ZNF385D: variants seen among roughly 807,000 people sequenced by gnomAD.
ZNF385D encodes the protein zinc finger protein 659.
ZNF385D carries 15 observed loss-of-function variants against 35.8 expected under a neutral mutation model. The ratio of observed to expected loss-of-function variants is 0.42; its 90% CI spans 0.28 to 0.64. ZNF385D has a LOEUF of 0.64. Among genes scored for constraint, ZNF385D ranks in the 30% least tolerant of loss-of-function variants. The pLI is 0.23. For missense variants in ZNF385D, 474 were observed against 494.6 expected, an observed-to-expected ratio of 0.96 and a Z score of 0.39; for synonymous variants, 212 against 186.8, an observed-to-expected ratio of 1.13 and a Z score of -1.10.
At chr3:21,756,299 A>AT (rs911136532) in intron 3 of ZNF385D, among the ~76,000 whole-genome samples, 10 of 152,156 alleles carry the variant, frequency 6.6e-5, no homozygotes, top group South Asian at 6.2e-4. Context: ...GCAATTTAAG[A>AT]TTTTTTTTAA....
At chr3:21,580,089 C>A (rs959889178) in intron 2 of ZNF385D, 1 of 152,086 alleles carries the variant, frequency 6.6e-6, no homozygotes, top group Non-Finnish European at 1.5e-5. Flanking sequence ...TTTACTCAGG[C>A]ATAAGTGCTA....
intron 2 of ZNF385D, among the ~76,000 whole-genome samples, chr3:22,234,405 T>C (rs998077472): frequency 2.6e-5 from 4 of 152,098 alleles, no homozygotes; most frequent in African/African-American, 9.7e-5. Context: ...CTCTGTTGTT[T>C]TATTAAATTT....
intron 3 of ZNF385D, among the ~76,000 whole-genome samples, chr3:21,554,772 G>A (rs371245847): frequency 1.3e-5 from 2 of 152,134 alleles, no homozygotes; most frequent in Non-Finnish European, 2.9e-5. Flanking sequence ...CACCGTGCAC[G>A]TTTATGTTAT....
chr3:21,474,360 T>C (rs1270445884), intron 4 of ZNF385D, among the ~76,000 whole-genome samples: 1 of 152,124 alleles, frequency 6.6e-6, no homozygotes, highest in Non-Finnish European at 1.5e-5. Flanking sequence ...TACTGTTGCA[T>C]TTCTCTAGCA....
intron 3 of ZNF385D, among the ~76,000 whole-genome samples, chr3:22,098,570 A>G (rs1701758637): frequency 1.3e-5 from 2 of 152,030 alleles, no homozygotes; most frequent in Non-Finnish European, 2.9e-5. Flanking sequence ...CAAGTAGAGG[A>G]TTTTAAAGTT....
intron 3 of ZNF385D, among the ~76,000 whole-genome samples, chr3:22,112,492 T>G (rs1702586208): frequency 6.6e-6 from 1 of 152,144 alleles, no homozygotes; most frequent in Non-Finnish European, 1.5e-5. Flanking sequence ...AATTTCTTGT[T>G]GATAAGCAAA....
chr3:21,971,528 CACCTTCACTAAAAGGAAG>C (rs1435385883), intron 3 of ZNF385D, among the ~76,000 whole-genome samples: 1 of 151,502 alleles, frequency 6.6e-6, no homozygotes, highest in African/African-American at 2.4e-5. Flanking sequence ...TAGTGAAAAT[CACCTTCACTAAAAGGAAG>C]ACAAGAAGGA....
chr3:22,015,009 G>C (rs918610635), intron 3 of ZNF385D, among the ~76,000 whole-genome samples: 4 of 151,992 alleles, frequency 2.6e-5, no homozygotes, highest in Non-Finnish European at 5.9e-5. Context: ...TTTGTTGTTT[G>C]AATGTTCACA....
chr3:21,530,088 ACCT>A (rs1363527637), intron 3 of ZNF385D, among the ~76,000 whole-genome samples: 4 of 151,220 alleles, frequency 2.6e-5, no homozygotes, highest in African/African-American at 9.7e-5. Flanking sequence ...GGAGGCTGGC[ACCT>A]CCTCCTCTCT....
chr3:21,976,595 G>A (rs902982157), intron 3 of ZNF385D, among the ~76,000 whole-genome samples: 2 of 152,176 alleles, frequency 1.3e-5, no homozygotes, highest in Non-Finnish European at 2.9e-5. Context: ...GTACTACATT[G>A]CCTATGGTTG....
chr3:22,167,701 G>A (rs1377939700), intron 3 of ZNF385D, among the ~76,000 whole-genome samples: 2 of 152,188 alleles, frequency 1.3e-5, no homozygotes, highest in African/African-American at 4.8e-5. Context: ...TTTCTGGCTG[G>A]CAAAAGTGAT....
intron 2 of ZNF385D, among the ~76,000 whole-genome samples, chr3:22,324,873 G>T (rs1344779928): frequency 2.0e-5 from 3 of 152,136 alleles, no homozygotes; most frequent in Non-Finnish European, 4.4e-5. Context: ...GTGATTAAAA[G>T]AGAGATCCTA....
At chr3:21,817,542 G>C (rs984692191) in intron 3 of ZNF385D, among the ~76,000 whole-genome samples, 3 of 152,130 alleles carry the variant, frequency 2.0e-5, no homozygotes, top group African/African-American at 7.2e-5. Flanking sequence ...CTCAAAATAA[G>C]ACATTTATGC....
At chr3:21,511,094 A>G (rs1252837969) in intron 3 of ZNF385D, 71 bp from the exon 4 acceptor site, 1 of 1,573,790 alleles carries the variant, frequency 6.4e-7, no homozygotes, top group Non-Finnish European at 8.7e-7. Flanking sequence ...TATTACTGCA[A>G]ATACAGACTC....
intron 5 of ZNF385D, 67 bp from the exon 6 acceptor site, chr3:21,425,737 G>A (rs1700990412): frequency 4.2e-6 from 6 of 1,421,212 alleles, no homozygotes; most frequent in Admixed American, 2.6e-5. Context: ...GAAGGAGGTG[G>A]GATGGGAGGA....
chr3:21,600,000 G>A (rs1156971886), intron 2 of ZNF385D, among the ~76,000 whole-genome samples: 1 of 152,160 alleles, frequency 6.6e-6, no homozygotes. Flanking sequence ...AAAGAAGCCG[G>A]CTAAAACGAA....
At chr3:22,329,701 A>T (rs1694846563) in intron 2 of ZNF385D, among the ~76,000 whole-genome samples, 1 of 152,198 alleles carries the variant, frequency 6.6e-6, no homozygotes, top group South Asian at 2.1e-4. Flanking sequence ...GTCCACTAGA[A>T]ATGTAATGCA....
At chr3:21,729,725 G>C (rs1318865473) in intron 1 of ZNF385D, among the ~76,000 whole-genome samples, 4 of 152,184 alleles carry the variant, frequency 2.6e-5, no homozygotes, top group Admixed American at 6.5e-5. Context: ...GCAAAAAAGA[G>C]AGAATACCTT....
At chr3:22,226,126 C>CAA (rs796451510) in intron 2 of ZNF385D, among the ~76,000 whole-genome samples, 2 of 141,824 alleles carry the variant, frequency 1.4e-5, no homozygotes, top group African/African-American at 5.2e-5. Context: ...TGGAACTAAA[C>CAA]AAAAAAAAAA....
Sources: gnomAD v4.1 joint callset for allele counts (sites outside exome capture counted in the v4.1 genomes callset) on GRCh38, gnomAD v4.1.1 for gene constraint, MANE v1.5 for transcripts, NCBI Gene and HGNC (gene_info 2026-07-23, HGNC 2026-07-21) for gene names.